CCDC178: variants seen among roughly 807,000 people sequenced by gnomAD.
CCDC178 encodes the protein coiled-coil domain-containing protein 178.
CCDC178 carries 126 observed loss-of-function variants against 117.4 expected under a neutral mutation model. That is an observed-to-expected ratio of 1.07 (90% CI 0.93 to 1.24). The LOEUF is 1.24. CCDC178 is among the 50% of genes most tolerant of loss of function. The pLI is 0.00. For synonymous variants in CCDC178, 283 were observed against 313.4 expected, an observed-to-expected ratio of 0.90 and a Z score of 1.02; for missense variants, 1,030 against 986.9, an observed-to-expected ratio of 1.04 and a Z score of -0.59.
chr18:33,070,071 G>T (rs2057081908), intron 21 of CCDC178, among the ~76,000 whole-genome samples: 1 of 152,040 alleles, frequency 6.6e-6, no homozygotes, highest in Non-Finnish European at 1.5e-5. Context: ...ATACAATGTT[G>T]GTAGAAATGT....
At chr18:33,081,854 T>A (rs966655460) in intron 21 of CCDC178, among the ~76,000 whole-genome samples, 2 of 152,190 alleles carry the variant, frequency 1.3e-5, no homozygotes, top group Admixed American at 1.3e-4. Context: ...TGATTTACTA[T>A]GATGGAAAAG....
At chr18:33,178,492 TTTATAAAGAGTCAGAA>T (rs1447514482) in intron 20 of CCDC178, among the ~76,000 whole-genome samples, 1 of 152,130 alleles carries the variant, frequency 6.6e-6, no homozygotes, top group African/African-American at 2.4e-5. Context: ...AGTCATCCTC[TTTATAAAGAGTCAGAA>T]TGGGTGTATC....
intron 22 of CCDC178, among the ~76,000 whole-genome samples, chr18:32,945,385 T>C (rs895685656): frequency 6.6e-6 from 1 of 152,224 alleles, no homozygotes; most frequent in Non-Finnish European, 1.5e-5. Flanking sequence ...AGATTGCTGA[T>C]TACATGAAGT....
chr18:33,239,151 T>G (rs1294532635), intron 15 of CCDC178, among the ~76,000 whole-genome samples: 1 of 151,770 alleles, frequency 6.6e-6, no homozygotes, highest in Non-Finnish European at 1.5e-5. Flanking sequence ...GAAAAAACAA[T>G]AACTATCAGG....
intron 20 of CCDC178, among the ~76,000 whole-genome samples, chr18:33,103,516 C>T (rs2084139760): frequency 6.6e-6 from 1 of 150,990 alleles, no homozygotes; most frequent in Non-Finnish European, 1.5e-5. Context: ...TTTATTTTTC[C>T]AGCAGAGGAC....
intron 14 of CCDC178, among the ~76,000 whole-genome samples, chr18:33,261,964 C>T (rs557752733): frequency 2.2e-4 from 34 of 152,054 alleles, no homozygotes; most frequent in African/African-American, 7.0e-4. Flanking sequence ...GTATAATTTT[C>T]TAATGAATGA....
chr18:33,034,297 T>C (rs1452410982), intron 21 of CCDC178, among the ~76,000 whole-genome samples: 2 of 151,992 alleles, frequency 1.3e-5, no homozygotes, highest in East Asian at 1.9e-4. Context: ...CCTGTCTTTT[T>C]CCCTCTAATA....
At chr18:33,103,961 T>G (rs1173260246) in intron 20 of CCDC178, among the ~76,000 whole-genome samples, 2 of 151,750 alleles carry the variant, frequency 1.3e-5, no homozygotes, top group African/African-American at 4.8e-5. Flanking sequence ...AGAATGAACT[T>G]TAAAATATGG....
intron 20 of CCDC178, among the ~76,000 whole-genome samples, chr18:33,151,317 G>GA (rs1450488874): frequency 1.3e-5 from 2 of 151,938 alleles, no homozygotes; most frequent in Non-Finnish European, 1.5e-5. Context: ...GCGAGCACCT[G>GA]AAAAAAATAC....
At chr18:32,990,152 A>G (rs1262386706) in intron 21 of CCDC178, among the ~76,000 whole-genome samples, 1 of 152,156 alleles carries the variant, frequency 6.6e-6, no homozygotes, top group Non-Finnish European at 1.5e-5. Context: ...GTAAGGAACC[A>G]TGGCCATGCC....
chr18:33,097,326 T>C (rs577645026), intron 20 of CCDC178, among the ~76,000 whole-genome samples: 3 of 152,192 alleles, frequency 2.0e-5, no homozygotes, highest in South Asian at 2.1e-4. Context: ...ACAGCATCAA[T>C]TGTGAGTGAG....
chr18:33,010,945 C>T (rs1026114797), intron 21 of CCDC178, among the ~76,000 whole-genome samples: 2 of 152,126 alleles, frequency 1.3e-5, no homozygotes, highest in African/African-American at 2.4e-5. Context: ...TCATCTTTCA[C>T]GCCAGGCAGC....
In CCDC178 at chr18:33,340,583, G is replaced by A. The variant is rs1189774671; in HGVS notation, c.658+5628C>T. 1.3e-5 allele frequency among the ~76,000 whole-genome samples: 2 copies of A among 152,108 alleles called. 1 individual carries two copies. The highest frequency in any genetic ancestry group is 2.9e-5 in the Non-Finnish European group (2 of 68,014). On this transcript the variant is annotated intron_variant, in intron 9 of 22. Transcript: ENST00000383096. ...GCCCAGGAAGAAAAAGTGGTTCTGT[G>A]GGCCAGGCCCAGGGTCCCCATGCTG...
At position 33,368,164 on chromosome 18, in the gene CCDC178, T is replaced by C. The variant is rs114197445; in HGVS notation, c.348+1886A>G. 6.6e-3 allele frequency among the ~76,000 whole-genome samples: 1,001 copies of C among 152,122 alleles called. 8 individuals carry two copies. The highest frequency in any genetic ancestry group is 0.023 in the African/African-American group (949 of 41,556). On this transcript the variant is annotated intron_variant, in intron 6 of 22. Coordinates refer to ENST00000383096, the MANE Select transcript of CCDC178 (RefSeq NM_001105528.4). ...ACATATAAGGTATTTGACTTCTCTA[T>C]GCCCTAGAATTCTCATCTGTACAGT... is the stretch of plus-strand genomic sequence containing the variant.
chr18:33,197,543 T>C (rs568435942), intron 20 of CCDC178, among the ~76,000 whole-genome samples: 1 of 151,642 alleles, frequency 6.6e-6, no homozygotes, highest in Non-Finnish European at 1.5e-5. Context: ...TTGTTTAATA[T>C]CTCTAAGTTT....
chr18:33,349,454 T>C (rs2144690054), intron 7 of CCDC178, among the ~76,000 whole-genome samples: 1 of 152,058 alleles, frequency 6.6e-6, no homozygotes, highest in East Asian at 1.9e-4. Flanking sequence ...AAAGTACAAA[T>C]ATAGAACATT....
At chr18:32,995,492 TATA>T (rs2055483391) in intron 21 of CCDC178, among the ~76,000 whole-genome samples, 1 of 152,134 alleles carries the variant, frequency 6.6e-6, no homozygotes, top group South Asian at 2.1e-4. Context: ...TAAAGCCAAG[TATA>T]ATAGAGGCCT....
At chr18:33,148,093 A>T (rs1038296819) in intron 20 of CCDC178, among the ~76,000 whole-genome samples, 9 of 152,122 alleles carry the variant, frequency 5.9e-5, no homozygotes, top group Non-Finnish European at 1.2e-4. Flanking sequence ...TGGAGGTTGT[A>T]GCGAGCCGAG....
intron 20 of CCDC178, among the ~76,000 whole-genome samples, chr18:33,117,561 G>A (rs752267606): frequency 4.6e-5 from 7 of 151,926 alleles, no homozygotes; most frequent in Non-Finnish European, 8.8e-5. Context: ...CACACACCGG[G>A]GCCTGTCGTG....
Sources: allele counts gnomAD v4.1 joint callset (sites outside exome capture counted in the v4.1 genomes callset), GRCh38; gene constraint gnomAD v4.1.1; transcripts MANE v1.5; gene names NCBI Gene and HGNC (gene_info 2026-07-23, HGNC 2026-07-21).